DYNC1I1: variants seen among roughly 807,000 people sequenced by gnomAD.
The protein encoded by DYNC1I1 is cytoplasmic dynein 1 intermediate chain 1.
DYNC1I1 carries 43 observed loss-of-function variants against 86.6 expected under a neutral mutation model. The observed-to-expected ratio is 0.50, with a 90% CI of 0.39 to 0.64. DYNC1I1 has a LOEUF of 0.64. Among genes scored for constraint, DYNC1I1 ranks in the 30% least tolerant of loss-of-function variants. The pLI, the probability that DYNC1I1 is intolerant of heterozygous loss-of-function variation, is 0.00. For synonymous variants in DYNC1I1, 262 were observed against 283.7 expected (o/e 0.92, Z 0.77); for missense variants, 604 against 788.8 (o/e 0.77, Z 2.81).
At chr7:96,030,328 A>AG (rs1794777467) in intron 11 of DYNC1I1, among the ~76,000 whole-genome samples, 2 of 133,010 alleles carry the variant, frequency 1.5e-5, no homozygotes, top group African/African-American at 3.0e-5. Flanking sequence ...TTAATGGTAG[A>AG]GTTGTGTGTG....
At chr7:95,943,215 C>A (rs1002538776) in intron 6 of DYNC1I1, among the ~76,000 whole-genome samples, 1 of 151,870 alleles carries the variant, frequency 6.6e-6, no homozygotes, top group Non-Finnish European at 1.5e-5. Context: ...CACAAGCATT[C>A]TTATATGCCA....
chr7:95,900,834 A>T (rs554718929), intron 6 of DYNC1I1, among the ~76,000 whole-genome samples: 74 of 152,310 alleles, frequency 4.9e-4, no homozygotes, highest in African/African-American at 1.7e-3. Flanking sequence ...TTTCATTCTA[A>T]ATAACATATA....
downstream of DYNC1I1, among the ~76,000 whole-genome samples, chr7:96,098,855 G>A (rs111948621): frequency 7.8e-4 from 119 of 152,204 alleles, no homozygotes; most frequent in African/African-American, 2.8e-3. Context: ...AACAAATAGC[G>A]GTTGAGTCAT....
chr7:95,915,766 C>T (rs1435142990), intron 6 of DYNC1I1, among the ~76,000 whole-genome samples: 2 of 152,088 alleles, frequency 1.3e-5, no homozygotes, highest in Non-Finnish European at 2.9e-5. Context: ...TACATTTATA[C>T]GATCTAAATT....
intron 6 of DYNC1I1, among the ~76,000 whole-genome samples, chr7:95,871,813 T>C (rs1790177953): frequency 6.6e-6 from 1 of 152,166 alleles, no homozygotes; most frequent in Admixed American, 6.5e-5. Context: ...AAAGGGGGAA[T>C]TTATTTCTCA....
intron 5 of DYNC1I1, among the ~76,000 whole-genome samples, chr7:95,836,569 A>G (rs930657740): frequency 2.6e-5 from 4 of 151,728 alleles, no homozygotes; most frequent in African/African-American, 7.3e-5. Context: ...GTGTTTTCCA[A>G]CTTGGTTCCA....
At chr7:96,050,034 CAA>C (rs1789353521) in intron 14 of DYNC1I1, among the ~76,000 whole-genome samples, 1 of 140,358 alleles carries the variant, frequency 7.1e-6, no homozygotes. Context: ...AAAAAACAAA[CAA>C]ACAAAAAAAA....
intron 10 of DYNC1I1, among the ~76,000 whole-genome samples, chr7:96,018,488 T>A (rs1238734098): frequency 2.6e-5 from 4 of 152,158 alleles, no homozygotes; most frequent in African/African-American, 9.7e-5. Context: ...TGACACTCAT[T>A]TAGTAACTGC....
At chr7:95,902,359 C>T (rs191145117) in intron 6 of DYNC1I1, among the ~76,000 whole-genome samples, 58 of 152,190 alleles carry the variant, frequency 3.8e-4, no homozygotes, top group African/African-American at 1.3e-3. Flanking sequence ...TTGTGAATGC[C>T]ATTATGTTTA....
chr7:96,076,161 G>A lies in DYNC1I1; in HGVS notation c.1614G>A (p.Gly538=), dbSNP rs1790330384. 1 of 1,614,180 alleles carries A rather than the reference G, an allele frequency of 6.2e-7. No homozygotes were observed. The highest frequency in any genetic ancestry group is 8.5e-7 in the Non-Finnish European group (1 of 1,180,026). ...PALFACVDGM[G]RLDLWNLNND... is the part of the protein sequence containing the mutation. ...TTTTTGCCTGCGTGGACGGGATGGGGCGCTTGGACCTCTGGAACCTCAACA... is the reference window on the plus strand; with the variant it reads ...TTTTTGCCTGCGTGGACGGGATGGGACGCTTGGACCTCTGGAACCTCAACA... Residue 538 remains glycine (G), a synonymous_variant, in exon 15 of 17, where the codon GGG becomes GGA. Transcript: ENST00000447467.
At chr7:96,073,788 ATCT>A (rs1422909133) in intron 14 of DYNC1I1, among the ~76,000 whole-genome samples, 1 of 152,212 alleles carries the variant, frequency 6.6e-6, no homozygotes, top group Non-Finnish European at 1.5e-5. Context: ...AGTGGGAATA[ATCT>A]TCTACTGAGA....
chr7:96,064,557 T>G (rs1789899959), intron 14 of DYNC1I1, among the ~76,000 whole-genome samples: 1 of 152,162 alleles, frequency 6.6e-6, no homozygotes. Flanking sequence ...GTGACCTTCA[T>G]CAGAGGTTAC....
intron 14 of DYNC1I1, among the ~76,000 whole-genome samples, chr7:96,061,586 C>T (rs547037021): frequency 4.3e-4 from 65 of 152,044 alleles, no homozygotes; most frequent in South Asian, 3.7e-3. Context: ...GTGGAATCTC[C>T]GAACCCTCCC....
At chr7:95,893,290 C>T (rs1790792336) in intron 6 of DYNC1I1, among the ~76,000 whole-genome samples, 1 of 152,120 alleles carries the variant, frequency 6.6e-6, no homozygotes, top group Admixed American at 6.5e-5. Context: ...CTAGCACTTG[C>T]AGTATGGATT....
At chr7:95,809,058 T>G (rs1398467308) in intron 2 of DYNC1I1, among the ~76,000 whole-genome samples, 1 of 152,180 alleles carries the variant, frequency 6.6e-6, no homozygotes, top group Non-Finnish European at 1.5e-5. Context: ...TTTTGGGTTA[T>G]GCAGAGTGTC....
chr7:95,848,660 G>A (rs1299108604), intron 5 of DYNC1I1, among the ~76,000 whole-genome samples: 3 of 151,810 alleles, frequency 2.0e-5, no homozygotes, highest in African/African-American at 4.8e-5. Flanking sequence ...TCATATCTTG[G>A]CTATTGTGAA....
chr7:96,015,414 T>A (rs1285982192), intron 10 of DYNC1I1, among the ~76,000 whole-genome samples: 2 of 152,162 alleles, frequency 1.3e-5, no homozygotes, highest in African/African-American at 2.4e-5. Context: ...TTTCAGCCTC[T>A]ATGTAAATGC....
chr7:96,011,184 G>A (rs1794267408), intron 10 of DYNC1I1, among the ~76,000 whole-genome samples: 2 of 152,144 alleles, frequency 1.3e-5, no homozygotes, highest in African/African-American at 4.8e-5. Flanking sequence ...ACCAAGGGGT[G>A]ACATTTCTTG....
chr7:95,911,423 A>C (rs1041979691), intron 6 of DYNC1I1, among the ~76,000 whole-genome samples: 2 of 152,164 alleles, frequency 1.3e-5, no homozygotes, highest in African/African-American at 4.8e-5. Context: ...CAGTGGTGGT[A>C]TGTACTTCTC....
Sources: allele counts gnomAD v4.1 joint callset (sites outside exome capture counted in the v4.1 genomes callset), GRCh38; gene constraint gnomAD v4.1.1; transcripts MANE v1.5; gene names NCBI Gene and HGNC (gene_info 2026-07-23, HGNC 2026-07-21).